The following RAB40B variants were observed in gnomAD, a reference collection of about 807,000 sequenced individuals.
RAB40B encodes ras-related protein Rab-40B.
Under a neutral mutation model 24.0 loss-of-function variants are expected in RAB40B, and 21 were observed. That is an observed-to-expected ratio of 0.88 (90% confidence interval 0.62 to 1.26). The LOEUF is 1.26. Among genes scored for constraint, RAB40B ranks in the 50% most tolerant of loss-of-function variants. RAB40B has a pLI of 0.00. For synonymous variants in RAB40B, 167 were observed against 169.8 expected, an observed-to-expected ratio of 0.98 and a Z score of 0.13; for missense variants, 348 against 390.5, an observed-to-expected ratio of 0.89 and a Z score of 0.92.
At chr17:82,664,719 C>T in intron 1 of RAB40B, 163 bp from the exon 2 acceptor site, 2 of 648,642 alleles carry the variant, frequency 3.1e-6, no homozygotes, top group Non-Finnish European at 5.3e-6. Flanking sequence ...TCACAGGGGC[C>T]CTGCCTGCGC....
At position 82,692,600 on chromosome 17, in the gene RAB40B, G is replaced by A. The variant is rs112980143; in HGVS notation, c.142+5855C>T. ...GGCCGTGCGATGCGGGGTGGGGGTG[G>A]GGGGCATCCGACTGAAAAAAGTGTG... On this transcript the variant is annotated intron_variant, in intron 1 of 5. Transcript: ENST00000571995. The surrounding 1 kb of genome is among the most constrained non-coding windows in gnomAD (Gnocchi z 4.0). Among the ~76,000 whole-genome samples the A allele has an allele frequency of 0.011, 1,619 of 152,204 alleles. 9 individuals are homozygous for A. The highest frequency in any genetic ancestry group is 0.021 in the Middle Eastern group (6 of 292).
At chr17:82,674,342 A>G (rs929307134) in intron 1 of RAB40B, among the ~76,000 whole-genome samples, 3 of 149,744 alleles carry the variant, frequency 2.0e-5, no homozygotes, top group Admixed American at 6.7e-5. Context: ...CTCCGTCTCA[A>G]AAGAAAAGAC....
intron 1 of RAB40B, among the ~76,000 whole-genome samples, chr17:82,679,134 C>G (rs183577312): frequency 6.6e-6 from 1 of 151,250 alleles, no homozygotes; most frequent in African/African-American, 2.4e-5. Flanking sequence ...CCACCTGCCT[C>G]GGCCTCCCAA....
Position 82,657,992 on chromosome 17 carries a change from C to T in RAB40B, c.708G>A (p.Met236Ile). 2 of 1,614,146 alleles carry T rather than the reference C, an allele frequency of 1.2e-6. No homozygotes were observed. The highest frequency in any genetic ancestry group is 1.1e-5 in the South Asian group (1 of 91,082). Residue 236 changes from methionine to isoleucine, a missense_variant, in exon 6 of 6, where the codon ATG becomes ATA. Transcript: ENST00000571995. ...TGGTGAGGGAGTAGGAACCGCCGTG[C>T]ATCATCCTGGCATTCAGGCCGTTGG... ...SMANGLNARMMHGGSYSLTTS... is the reference protein window; with the variant it reads ...SMANGLNARMIHGGSYSLTTS...
Position 82,696,559 on chromosome 17 carries a change from C to T in RAB40B, c.142+1896G>A, listed in dbSNP as rs190079906. The T allele has an allele frequency of 4.6e-3, 789 of 170,256 alleles. 5 individuals are homozygous for T. Among genetic ancestry groups the T allele is most frequent in the Non-Finnish European group, 5.9e-3 (459 of 78,130 alleles). 10.5% of individuals were successfully genotyped at this position (170,256 alleles called of 1,614,324 possible). On this transcript the variant is annotated intron_variant, in intron 1 of 5. Coordinates refer to ENST00000571995, the MANE Select transcript of RAB40B (RefSeq NM_006822.3). ...CCGAGGGCACAGTGCAGACAAAGCC[C>T]TGTCCTCCAGGCGCTCAATCTCCAG...
intron 1 of RAB40B, among the ~76,000 whole-genome samples, chr17:82,681,020 C>CAAAAAAAAAAAAAAAAAA (rs201799464): frequency 4.3e-5 from 4 of 93,948 alleles, no homozygotes; most frequent in Admixed American, 1.5e-4. Context: ...GACTCCATCT[C>CAAAAAAAAAAAAAAAAAA]AAAAAAAAAA....
At chr17:82,689,278 T>C (rs1161541783) in intron 1 of RAB40B, among the ~76,000 whole-genome samples, 2 of 152,218 alleles carry the variant, frequency 1.3e-5, no homozygotes, top group Admixed American at 6.5e-5. Flanking sequence ...GTCTGCCTGC[T>C]CCAGCTGCGT....
Position 82,658,478 on chromosome 17 carries a change from C to A in RAB40B, c.565+13G>T. On this transcript the variant is annotated intron_variant, in intron 5 of 5. Coordinates refer to ENST00000571995, the MANE Select transcript of RAB40B (RefSeq NM_006822.3). ...AGGGCAGAGGTGGCCCCCGGAATAGCCCCTGGGCCTACCCTTGCTCGGCCG... is the reference window on the plus strand; with the variant it reads ...AGGGCAGAGGTGGCCCCCGGAATAGACCCTGGGCCTACCCTTGCTCGGCCG... 1 of 1,610,424 alleles carries A rather than the reference C, an allele frequency of 6.2e-7. No individual in the cohort carries two copies.
Position 82,698,647 on chromosome 17 carries a change from GA to G in RAB40B, c.-52del. 1 of 1,237,972 alleles carries G rather than the reference GA, an allele frequency of 8.1e-7. No homozygotes were observed. The highest frequency in any genetic ancestry group is 1.0e-6 in the Non-Finnish European group (1 of 979,458). The allele number at this position is 1,237,972 out of a possible 1,614,324, so 76.7% of individuals were successfully genotyped here. A position where few individuals can be genotyped will look rare whatever the true frequency, so the allele number is the denominator to read the frequency against. ...TGCCCGGCCTGCGGGGCTGAGCGCA[GA>G]GGCGGCGGCCCGGCCCCGAGAGGCG... is the stretch of plus-strand genomic sequence containing the variant. On this transcript the variant is annotated 5_prime_UTR_variant, in exon 1 of 6. Coordinates refer to ENST00000571995, the MANE Select transcript of RAB40B (RefSeq NM_006822.3).
chr17:82,680,824 G>A (rs2046441594), intron 1 of RAB40B, among the ~76,000 whole-genome samples: 1 of 152,032 alleles, frequency 6.6e-6, no homozygotes, highest in Non-Finnish European at 1.5e-5. Flanking sequence ...AAGGTCAGGG[G>A]TTTGAGACCA....
rs551918939 is a variant in RAB40B at position 82,680,500 on chromosome 17, A to G, written c.143-15944T>C. 7.9e-5 allele frequency among the ~76,000 whole-genome samples: 12 copies of G among 152,344 alleles called. No homozygotes were observed. The East Asian group carries it at 2.3e-3, about 29-fold the overall frequency. On this transcript the variant is annotated intron_variant, in intron 1 of 5. Transcript: ENST00000571995. ...TGACACTCTTTGCTTCTGAAGTTAAAAAAAATATCGCATATGAAAAAGCTT... is the reference window on the plus strand; with the variant it reads ...TGACACTCTTTGCTTCTGAAGTTAAGAAAAATATCGCATATGAAAAAGCTT...
chr17:82,666,067 C>T (rs1003266173), intron 1 of RAB40B, among the ~76,000 whole-genome samples: 4 of 150,948 alleles, frequency 2.6e-5, no homozygotes, highest in African/African-American at 4.9e-5. Context: ...CACCTGCCAC[C>T]GCACCTGCCA....
intron 1 of RAB40B, among the ~76,000 whole-genome samples, chr17:82,693,820 C>T (rs544975552): frequency 2.0e-5 from 3 of 152,174 alleles, no homozygotes; most frequent in East Asian, 1.9e-4. Context: ...CAGTGGCTCA[C>T]GCCTGTAATT....
chr17:82,695,758 T>A (rs981324285), intron 1 of RAB40B, among the ~76,000 whole-genome samples: 1 of 152,086 alleles, frequency 6.6e-6, no homozygotes, highest in Admixed American at 6.5e-5. Flanking sequence ...TTACTATTTT[T>A]CAGAATATCT....
At chr17:82,693,634 C>T (rs1392241568) in intron 1 of RAB40B, among the ~76,000 whole-genome samples, 1 of 152,160 alleles carries the variant, frequency 6.6e-6, no homozygotes, top group African/African-American at 2.4e-5. Flanking sequence ...AGTCAGAAAC[C>T]TGAAACCACC....
At position 82,657,141 on chromosome 17, in the gene RAB40B, T is replaced by C. The variant is rs2046092346; in HGVS notation, c.*722A>G. On this transcript the variant is annotated 3_prime_UTR_variant, in exon 6 of 6. Coordinates refer to ENST00000571995, the MANE Select transcript of RAB40B (RefSeq NM_006822.3). Reference sequence around the variant, plus strand: ...AAATAAGTGTTTTCACTTCATTCTTTACTGAAACAGCTCTTCCTTGACATG... The same window carrying C: ...AAATAAGTGTTTTCACTTCATTCTTCACTGAAACAGCTCTTCCTTGACATG... 1 of 153,348 alleles carries C rather than the reference T, an allele frequency of 6.5e-6. No individual in the cohort carries two copies. Among genetic ancestry groups the C allele is most frequent in the Admixed American group, 6.5e-5 (1 of 15,362 alleles). 9.5% of individuals were successfully genotyped at this position (153,348 alleles called of 1,614,324 possible).
rs1412249232 is a variant in RAB40B, at chr17:82,698,693, T to C, written c.-97A>G. On this transcript the variant is annotated 5_prime_UTR_variant, in exon 1 of 6. Transcript: ENST00000571995. ...GAGGCGCCGCGCGGGCCCCGAGTCC[T>C]TGCTCGCCTCCGGCCCCGCCCCGCC... is the stretch of plus-strand genomic sequence containing the variant. 26 of 953,594 alleles carry C rather than the reference T, an allele frequency of 2.7e-5. No individual in the cohort carries two copies. Among genetic ancestry groups the C allele is most frequent in the Non-Finnish European group, 3.3e-5 (25 of 768,312 alleles). 59.1% of individuals were successfully genotyped at this position (953,594 alleles called of 1,614,324 possible).
intron 1 of RAB40B, among the ~76,000 whole-genome samples, chr17:82,695,079 C>T (rs532165867): frequency 6.6e-6 from 1 of 151,886 alleles, no homozygotes; most frequent in East Asian, 1.9e-4. Context: ...GAAGCAAGGG[C>T]TATAAACCTG....
At position 82,663,269 on chromosome 17, in the gene RAB40B, A is replaced by G. The variant is rs1166248210; in HGVS notation, c.203+1227T>C. Among the ~76,000 whole-genome samples, 2 of 151,850 alleles carry G rather than the reference A, an allele frequency of 1.3e-5. No individual in the cohort carries two copies. Among genetic ancestry groups the G allele is most frequent in the Non-Finnish European group, 2.9e-5 (2 of 67,870 alleles). ...GGCGTAGGAAGGGGACAGGTAAGAG[A>G]AGGGGGTCCCAGCTGCTGGAGGCAC... is the stretch of plus-strand genomic sequence containing the variant. On this transcript the variant is annotated intron_variant, in intron 2 of 5. Coordinates refer to ENST00000571995, the MANE Select transcript of RAB40B (RefSeq NM_006822.3). This position sits in a 1 kb window ranked among gnomAD's most constrained non-coding sequence, Gnocchi z 6.2.
Sources: allele counts gnomAD v4.1 joint callset (sites outside exome capture counted in the v4.1 genomes callset), GRCh38; gene constraint gnomAD v4.1.1; non-coding constraint Gnocchi (gnomAD v3.1); transcripts MANE v1.5; gene names NCBI Gene and HGNC (gene_info 2026-07-23, HGNC 2026-07-21).